The following PDE1A variants were observed in gnomAD, a reference collection of about 807,000 sequenced individuals.
PDE1A encodes dual specificity calcium/calmodulin-dependent 3',5'-cyclic nucleotide phosphodiesterase 1A.
A neutral mutation model predicts 61.7 loss-of-function variants in PDE1A; 35 were observed. The ratio of observed to expected loss-of-function variants is 0.57; its 90% CI spans 0.43 to 0.75. PDE1A has a LOEUF of 0.75. Among genes scored for constraint, PDE1A ranks in the 30% least tolerant of loss-of-function variants. PDE1A has a pLI of 0.00. For missense variants in PDE1A, 597 were observed against 630.6 expected (o/e 0.95, Z 0.57); for synonymous variants, 232 against 213.2 (o/e 1.09, Z -0.77).
At chr2:182,447,786 T>C (rs535249109) in intron 2 of PDE1A, among the ~76,000 whole-genome samples, 12 of 152,218 alleles carry the variant, frequency 7.9e-5, no homozygotes, top group Non-Finnish European at 1.8e-4. Flanking sequence ...GCATTTCAGA[T>C]AATAAGTGAT....
At chr2:182,516,701 G>GTA (rs1206551722) in intron 2 of PDE1A, among the ~76,000 whole-genome samples, 1 of 101,028 alleles carries the variant, frequency 9.9e-6, no homozygotes, top group Non-Finnish European at 2.0e-5. Flanking sequence ...AGGGAGGAAG[G>GTA]GAGGAAGGAA....
intron 1 of PDE1A, among the ~76,000 whole-genome samples, chr2:182,377,711 G>A (rs1174872710): frequency 6.6e-6 from 1 of 152,056 alleles, no homozygotes. Context: ...GAAAATATGT[G>A]TCCACAAAAA....
At chr2:182,274,589 C>T (rs778495448) in intron 1 of PDE1A, among the ~76,000 whole-genome samples, 8 of 151,984 alleles carry the variant, frequency 5.3e-5, no homozygotes, top group Non-Finnish European at 1.0e-4. Flanking sequence ...GCAATCAAAT[C>T]GAGTCCAAAA....
At chr2:182,472,784 T>C (rs773678944) in intron 2 of PDE1A, among the ~76,000 whole-genome samples, 5 of 151,816 alleles carry the variant, frequency 3.3e-5, no homozygotes, top group Non-Finnish European at 7.4e-5. Context: ...AAACAAAATC[T>C]GATTTGTCAT....
Position 182,508,927 on chromosome 2 carries a change from A to G in PDE1A, c.101+13349T>C, listed in dbSNP as rs868672087. Among the ~76,000 whole-genome samples, 3 of 150,774 alleles carry G rather than the reference A, an allele frequency of 2.0e-5. No individual in the cohort carries two copies. In the East Asian group the frequency reaches 5.8e-4, roughly 29 times the overall value. ...TGCACCCACTAACTCGTCATCTAGC[A>G]TTAGGTATATCTCCCGATGCTATCC... is the stretch of plus-strand genomic sequence containing the variant. On this transcript the variant is annotated intron_variant, in intron 2 of 14. Transcript: ENST00000410103.
the PDE1A span, among the ~76,000 whole-genome samples, chr2:182,671,292 CT>C: frequency 0.61 from 89,829 of 147,574 alleles, 28,025 homozygotes; most frequent in Middle Eastern, 0.74. Flanking sequence ...CTGCCTCAGC[CT>C]CCCGAGTAGC....
intron 13 of PDE1A, among the ~76,000 whole-genome samples, chr2:182,184,691 G>A (rs1033264885): frequency 5.9e-5 from 9 of 152,224 alleles, no homozygotes; most frequent in South Asian, 2.1e-4. Context: ...TTGCATATAC[G>A]AATGTGTGTG....
the PDE1A span, among the ~76,000 whole-genome samples, chr2:182,544,806 C>A: frequency 6.6e-6 from 1 of 152,188 alleles, no homozygotes; most frequent in Admixed American, 6.5e-5. Flanking sequence ...ACTTGCCTTC[C>A]CCTTTTTTCC....
rs965694805 is a variant in PDE1A at position 182,402,155 on chromosome 2, G to C, written c.53+24423C>G. Among the ~76,000 whole-genome samples, 61 of 152,020 alleles carry C rather than the reference G, an allele frequency of 4.0e-4. 2 individuals are homozygous for C. Among genetic ancestry groups the C allele is most frequent in the Non-Finnish European group, 1.5e-4 (10 of 67,966 alleles). Reference sequence around the variant, plus strand: ...ATCAAGCTACCACTGACTTTCTTCAGAGAGTTAGAAAAAAAATACTTTAAA... The same window carrying C: ...ATCAAGCTACCACTGACTTTCTTCACAGAGTTAGAAAAAAAATACTTTAAA... On this transcript the variant is annotated intron_variant, in intron 1 of 13. Transcript: ENST00000351439.
upstream of PDE1A, among the ~76,000 whole-genome samples, chr2:182,525,306 T>C (rs2125995641): frequency 6.6e-6 from 1 of 152,322 alleles, no homozygotes; most frequent in African/African-American, 2.4e-5. Context: ...CCCAAATCAT[T>C]TGTAATCATT....
chr2:182,264,325 T>A (rs1255336586), exon 2 of PDE1A: 1 of 1,612,370 alleles, frequency 6.2e-7, no homozygotes, highest in Admixed American at 1.7e-5. Flanking sequence ...ATAAACTGCT[T>A]CCAGCACAGA....
intron 1 of PDE1A, among the ~76,000 whole-genome samples, chr2:182,281,324 G>C (rs1009392191): frequency 4.6e-5 from 7 of 151,908 alleles, no homozygotes; most frequent in Non-Finnish European, 7.4e-5. Context: ...AAATGCTAAA[G>C]AACGTTATAA....
At chr2:182,183,424 C>A (rs1417099593) in intron 13 of PDE1A, among the ~76,000 whole-genome samples, 1 of 152,214 alleles carries the variant, frequency 6.6e-6, no homozygotes. Context: ...TCCTCTCCAA[C>A]TCTGACCTGG....
the PDE1A span, among the ~76,000 whole-genome samples, chr2:182,567,008 A>C: frequency 2.0e-5 from 3 of 152,212 alleles, no homozygotes; most frequent in African/African-American, 7.2e-5. Flanking sequence ...GAACAATTTG[A>C]AGTGTTAAAA....
At chr2:182,182,715 C>T (rs1204412196) in intron 13 of PDE1A, among the ~76,000 whole-genome samples, 1 of 151,820 alleles carries the variant, frequency 6.6e-6, no homozygotes, top group Non-Finnish European at 1.5e-5. Context: ...GCTTCACTGC[C>T]CTTCTTGTTG....
At chr2:182,559,923 A>G in the PDE1A span, among the ~76,000 whole-genome samples, 4 of 152,120 alleles carry the variant, frequency 2.6e-5, no homozygotes, top group African/African-American at 9.7e-5. Context: ...AAGCTAACCC[A>G]TATTTGTAAG....
the PDE1A span, among the ~76,000 whole-genome samples, chr2:182,696,775 A>C: frequency 6.6e-6 from 1 of 152,172 alleles, no homozygotes; most frequent in South Asian, 2.1e-4. Flanking sequence ...TAAACCTAAG[A>C]CTGCTTTAAA....
chr2:182,399,432 A>G (rs554757533), intron 1 of PDE1A, among the ~76,000 whole-genome samples: 37 of 152,130 alleles, frequency 2.4e-4, no homozygotes, highest in Non-Finnish European at 4.7e-4. Context: ...TATGCTCTCA[A>G]TTTAATACAT....
intron 1 of PDE1A, among the ~76,000 whole-genome samples, chr2:182,405,465 G>A (rs1702248380): frequency 6.6e-6 from 1 of 152,128 alleles, no homozygotes; most frequent in Non-Finnish European, 1.5e-5. Flanking sequence ...TTCACTTGCA[G>A]GAAACTACAA....
Sources: allele counts gnomAD v4.1 joint callset (sites outside exome capture counted in the v4.1 genomes callset), GRCh38; gene constraint gnomAD v4.1.1; transcripts MANE v1.5; gene names NCBI Gene and HGNC (gene_info 2026-07-23, HGNC 2026-07-21).